Variants in CDH4 observed in about 807,000 individuals in gnomAD.
The protein encoded by CDH4 is cadherin-4.
A neutral mutation model predicts 86.0 loss-of-function variants in CDH4; 33 were observed. The observed-to-expected ratio is 0.38, with a 90% CI of 0.29 to 0.51. CDH4 has a LOEUF of 0.51. Among genes scored for constraint, CDH4 ranks in the 20% least tolerant of loss-of-function variants. The probability of loss-of-function intolerance (pLI) is 0.86; values close to 1 mark genes in which losing one functional copy is unlikely to be tolerated. For synonymous variants in CDH4, 555 were observed against 549.4 expected (o/e 1.01, Z -0.14); for missense variants, 1,114 against 1,307.4 (o/e 0.85, Z 2.28).
At chr20:61,719,841 A>T (rs2088011146) in intron 2 of CDH4, 1 of 152,212 alleles carries the variant, frequency 6.6e-6, no homozygotes, top group African/African-American at 2.4e-5. Flanking sequence ...TTGTTTTTTA[A>T]ATTAAGATAA....
At chr20:61,334,025 G>C (rs146605754) in intron 2 of CDH4, among the ~76,000 whole-genome samples, 5,570 of 152,272 alleles carry the variant, frequency 0.037, 149 homozygotes, top group Middle Eastern at 0.075. Context: ...TGTCCATCCT[G>C]GGAGGTGTCC....
chr20:61,480,245 C>T lies in CDH4; in HGVS notation c.169+225308C>T, dbSNP rs1030179790. Among the ~76,000 whole-genome samples, 2 of 152,172 alleles carry T rather than the reference C, an allele frequency of 1.3e-5. No homozygotes were observed. The highest frequency in any genetic ancestry group is 3.9e-4 in the East Asian group (2 of 5,174). ...ACCCCAGGAGGACCCCAGGCTCCCC[C>T]TCTCGTGGTAGCCTGGAAACTCCCC... On this transcript the variant is annotated intron_variant, in intron 2 of 15. Transcript: ENST00000614565. This position sits in a 1 kb window ranked among gnomAD's most constrained non-coding sequence, Gnocchi z 5.2.
chr20:61,526,370 T>G (rs113382347), intron 2 of CDH4, among the ~76,000 whole-genome samples: 2,032 of 152,170 alleles, frequency 0.013, 25 homozygotes, highest in African/African-American at 0.027. Flanking sequence ...ACATCCTCGG[T>G]GGAGGCAGCC....
At chr20:61,622,240 T>G (rs1405106722) in intron 2 of CDH4, among the ~76,000 whole-genome samples, 4 of 152,212 alleles carry the variant, frequency 2.6e-5, no homozygotes, top group African/African-American at 9.6e-5. Context: ...CCCACCCATG[T>G]GTTTATGGAG....
At position 61,826,138 on chromosome 20, in the gene CDH4, C is replaced by T. The variant is rs191050483; in HGVS notation, c.577-18530C>T. On this transcript the variant is annotated intron_variant, in intron 4 of 15. Transcript: ENST00000614565. ...CTAGAATGCACGTCAGTAGTGTCCC[C>T]TTCTGCTCAGAACTCCCAGATGGTG... is the stretch of plus-strand genomic sequence containing the variant. 2.0e-4 allele frequency among the ~76,000 whole-genome samples: 31 copies of T among 152,284 alleles called. No individual in the cohort carries two copies. In the East Asian group the frequency reaches 5.8e-3, roughly 28 times the overall value.
chr20:61,340,012 G>C (rs917731924), intron 2 of CDH4, among the ~76,000 whole-genome samples: 9 of 152,210 alleles, frequency 5.9e-5, no homozygotes, highest in Non-Finnish European at 1.0e-4. Flanking sequence ...AGTTTAAGAT[G>C]ATGAGTTAAT....
In CDH4 at chr20:61,873,805, G is replaced by C; in HGVS notation, c.955G>C (p.Val319Leu). Residue 319 changes from valine to leucine, a missense_variant, in exon 7 of 16, where the codon GTG (valine) becomes CTG (leucine). Val to Leu is a conservative substitution (Grantham distance 32). Coordinates refer to ENST00000614565, the MANE Select transcript of CDH4 (RefSeq NM_001794.5). The part of the protein sequence containing the change: ...TANGMVRYRI[V>L]TQTPQSPSQN... Reference sequence around the variant, plus strand: ...CAACGGGATGGTGCGGTACCGGATCGTGACCCAGACCCCACAGAGCCCGTC... The same window carrying C: ...CAACGGGATGGTGCGGTACCGGATCCTGACCCAGACCCCACAGAGCCCGTC... The C allele has an allele frequency of 3.1e-6, 5 of 1,614,070 alleles. No individual in the cohort carries two copies. Among genetic ancestry groups the C allele is most frequent in the Non-Finnish European group, 4.2e-6 (5 of 1,180,014 alleles).
rs531167368 is a variant in CDH4 at position 61,469,379 on chromosome 20, G to C, written c.169+214442G>C. Among the ~76,000 whole-genome samples, 107 of 152,062 alleles carry C rather than the reference G, an allele frequency of 7.0e-4. 3 individuals carry two copies. Among genetic ancestry groups the C allele is most frequent in the Middle Eastern group, 3.4e-3 (1 of 294 alleles). ...TCATCTTTTGAGAAATGTCTATTCA[G>C]ACCTTTGCCCATTTAAAAAACCAGA... On this transcript the variant is annotated intron_variant, in intron 2 of 15. Transcript: ENST00000614565.
chr20:61,779,734 G>T (rs1463877987), intron 4 of CDH4, among the ~76,000 whole-genome samples: 1 of 152,238 alleles, frequency 6.6e-6, no homozygotes, highest in Non-Finnish European at 1.5e-5. Flanking sequence ...GCCCTGCACG[G>T]GCTCTGGACT....
intron 4 of CDH4, among the ~76,000 whole-genome samples, chr20:61,801,198 A>G (rs1458608602): frequency 1.3e-5 from 2 of 152,092 alleles, no homozygotes; most frequent in African/African-American, 4.8e-5. Context: ...AGCACCTCTC[A>G]GTGTCTGCAG....
intron 2 of CDH4, among the ~76,000 whole-genome samples, chr20:61,279,214 C>T (rs1238212974): frequency 1.3e-5 from 2 of 152,206 alleles, no homozygotes. Flanking sequence ...GAGCCAGGCT[C>T]CAGAGGGACA....
chr20:61,410,835 G>GTCCA (rs1013975586), intron 2 of CDH4, among the ~76,000 whole-genome samples: 1 of 150,246 alleles, frequency 6.7e-6, no homozygotes, highest in Non-Finnish European at 1.5e-5. Context: ...CCACTGGTCT[G>GTCCA]TCCATCCATC....
intron 2 of CDH4, among the ~76,000 whole-genome samples, chr20:61,534,161 A>G (rs1225961042): frequency 6.6e-6 from 1 of 152,188 alleles, no homozygotes; most frequent in East Asian, 1.9e-4. Context: ...TGATTTTTGG[A>G]GGCATTTATT....
At chr20:61,553,968 C>T (rs1189675568) in intron 2 of CDH4, among the ~76,000 whole-genome samples, 1 of 152,138 alleles carries the variant, frequency 6.6e-6, no homozygotes, top group Non-Finnish European at 1.5e-5. Flanking sequence ...CCTGCAGGGG[C>T]CAGGTCCCTG....
chr20:61,599,752 C>T (rs1231504826), intron 2 of CDH4: 1 of 981,656 alleles, frequency 1.0e-6, no homozygotes, highest in Non-Finnish European at 1.2e-6. Context: ...GCGGCTCTGC[C>T]TCTCCCACGC....
At chr20:61,607,592 T>C (rs560557869) in intron 2 of CDH4, among the ~76,000 whole-genome samples, 1 of 152,338 alleles carries the variant, frequency 6.6e-6, no homozygotes, top group African/African-American at 2.4e-5. Context: ...TTAAGGAGTT[T>C]TTCCGACACC....
At chr20:61,866,406 G>A (rs1295877480) in intron 6 of CDH4, among the ~76,000 whole-genome samples, 1 of 152,152 alleles carries the variant, frequency 6.6e-6, no homozygotes, top group Admixed American at 6.5e-5. Flanking sequence ...CAGCTAAACC[G>A]CCTCTGAGAA....
chr20:61,274,414 G>A (rs1336464781), intron 2 of CDH4, among the ~76,000 whole-genome samples: 13 of 131,818 alleles, frequency 9.9e-5, no homozygotes, highest in East Asian at 2.5e-4. Flanking sequence ...TGCAGTTTGG[G>A]GGAGTACCAT....
chr20:61,809,165 C>A (rs1387717468), intron 4 of CDH4, among the ~76,000 whole-genome samples: 1 of 152,144 alleles, frequency 6.6e-6, no homozygotes, highest in Admixed American at 6.5e-5. Context: ...TTCCGCGAAT[C>A]CGGGTGGTGT....
Sources: gnomAD v4.1 joint callset for allele counts (sites outside exome capture counted in the v4.1 genomes callset) on GRCh38, gnomAD v4.1.1 for gene constraint, Gnocchi (gnomAD v3.1) non-coding constraint, MANE v1.5 for transcripts, NCBI Gene and HGNC (gene_info 2026-07-23, HGNC 2026-07-21) for gene names.